LOC400499: variants seen among roughly 807,000 people sequenced by gnomAD.
the LOC400499 span, chr16:11,493,689 C>T: frequency 1.3e-5 from 5 of 397,274 alleles, no homozygotes; most frequent in African/African-American, 2.1e-5. Context: ...TGGCCCCCAG[C>T]CGGATCTCGG....
the LOC400499 span, among the ~76,000 whole-genome samples, chr16:11,489,749 C>T: frequency 6.6e-6 from 1 of 152,212 alleles, no homozygotes; most frequent in South Asian, 2.1e-4. Context: ...CACCCCATGC[C>T]TGAAACTGCC....
At chr16:11,459,879 G>T in the LOC400499 span, 1 of 1,347,486 alleles carries the variant, frequency 7.4e-7, no homozygotes. Flanking sequence ...CGGCTCTGCC[G>T]CAGTGGCCAG....
the LOC400499 span, among the ~76,000 whole-genome samples, chr16:11,477,122 T>G: frequency 6.6e-6 from 1 of 152,320 alleles, no homozygotes; most frequent in South Asian, 2.1e-4. Context: ...CCTGCACTAA[T>G]CCCTTTTATG....
At chr16:11,493,536 C>T in the LOC400499 span, 1 of 390,362 alleles carries the variant, frequency 2.6e-6, no homozygotes, top group African/African-American at 2.1e-5. Context: ...AGTAGGTGCT[C>T]ATTAAATACA....
At chr16:11,428,235 C>A in the LOC400499 span, among the ~76,000 whole-genome samples, 22 of 144,028 alleles carry the variant, frequency 1.5e-4, no homozygotes, top group African/African-American at 6.1e-4. Flanking sequence ...AGTGCCGTGG[C>A]GTAATCTCTC....
chr16:11,377,832 T>A, the LOC400499 span, among the ~76,000 whole-genome samples: 1 of 152,230 alleles, frequency 6.6e-6, no homozygotes, highest in Admixed American at 6.5e-5. Context: ...AGGTATTCTT[T>A]CCTCAATGTT....
chr16:11,400,671 C>T, the LOC400499 span, among the ~76,000 whole-genome samples: 77 of 152,260 alleles, frequency 5.1e-4, no homozygotes, highest in African/African-American at 1.7e-3. Flanking sequence ...AAATTCTTGG[C>T]CTCAAGTGAT....
At chr16:11,384,236 C>A in the LOC400499 span, 15 of 1,232,192 alleles carry the variant, frequency 1.2e-5, no homozygotes, top group African/African-American at 6.2e-5. Flanking sequence ...AGGCTGAGCT[C>A]CTCCAGGCTG....
At chr16:11,461,891 C>T in the LOC400499 span, among the ~76,000 whole-genome samples, 4 of 152,144 alleles carry the variant, frequency 2.6e-5, no homozygotes, top group East Asian at 1.9e-4. Flanking sequence ...TGTTTCTTAT[C>T]GTGGGTCAGA....
chr16:11,435,787 G>A, the LOC400499 span: 17 of 399,442 alleles, frequency 4.3e-5, no homozygotes, highest in Admixed American at 1.8e-4. Flanking sequence ...GGCTGGCGTC[G>A]ACCTCCAGCA....
the LOC400499 span, among the ~76,000 whole-genome samples, chr16:11,383,309 C>T: frequency 2.0e-5 from 3 of 152,188 alleles, no homozygotes; most frequent in African/African-American, 4.8e-5. Flanking sequence ...CCTCGTGATG[C>T]ACCCACCTCA....
At chr16:11,516,258 C>A in the LOC400499 span, 4 of 399,590 alleles carry the variant, frequency 1.0e-5, no homozygotes, top group African/African-American at 6.2e-5. Flanking sequence ...AGGTGGGCCA[C>A]ACGCCCAGAG....
At chr16:11,399,292 C>A in the LOC400499 span, 2 of 966,616 alleles carry the variant, frequency 2.1e-6, no homozygotes, top group Non-Finnish European at 2.5e-6. Flanking sequence ...TCACCACATC[C>A]CAGTTAGGAA....
chr16:11,463,829 G>A, the LOC400499 span, among the ~76,000 whole-genome samples: 1 of 151,732 alleles, frequency 6.6e-6, no homozygotes, highest in African/African-American at 2.4e-5. Context: ...GTATGGACGT[G>A]TGTTTATGGA....
chr16:11,486,413 TGGA>T, the LOC400499 span, among the ~76,000 whole-genome samples: 1 of 43,192 alleles, frequency 2.3e-5, no homozygotes, highest in Non-Finnish European at 4.9e-5. Flanking sequence ...AGTGAATAGA[TGGA>T]TGGATGGATG....
chr16:11,415,503 G>A, the LOC400499 span, among the ~76,000 whole-genome samples: 7,093 of 152,242 alleles, frequency 0.047, 569 homozygotes, highest in African/African-American at 0.16. Context: ...GGTAACACAC[G>A]GGAGAGGACC....
the LOC400499 span, among the ~76,000 whole-genome samples, chr16:11,391,278 C>T: frequency 2.6e-5 from 4 of 152,212 alleles, no homozygotes; most frequent in African/African-American, 9.6e-5. Context: ...GTTGGGGCAG[C>T]AGGTGTGAGC....
the LOC400499 span, among the ~76,000 whole-genome samples, chr16:11,496,067 CTTTT>C: frequency 4.8e-5 from 7 of 145,470 alleles, no homozygotes; most frequent in African/African-American, 1.5e-4. Context: ...TAGCTCTGTC[CTTTT>C]TTTTTTTTTC....
chr16:11,457,591 C>CAAAA, the LOC400499 span, among the ~76,000 whole-genome samples: 7 of 97,092 alleles, frequency 7.2e-5, no homozygotes, highest in African/African-American at 2.7e-4. Flanking sequence ...GACTCCATCT[C>CAAAA]AAAAAAAAAA....
Sources: gnomAD v4.1 joint callset for allele counts (sites outside exome capture counted in the v4.1 genomes callset) on GRCh38, gnomAD v4.1.1 for gene constraint, MANE v1.5 for transcripts.